The following NAALADL2 variants were observed in gnomAD, a reference collection of about 807,000 sequenced individuals.
The protein encoded by NAALADL2 is N-acetylated alpha-linked acidic dipeptidase like 2, also known as inactive N-acetylated-alpha-linked acidic dipeptidase-like protein 2.
Under a neutral mutation model 87.2 loss-of-function variants are expected in NAALADL2, and 76 were observed. The ratio of observed to expected loss-of-function variants is 0.87; its 90% CI spans 0.72 to 1.05. The LOEUF (loss-of-function observed/expected upper bound fraction) is 1.05. NAALADL2 is among the 50% of genes least tolerant of loss of function. The probability of loss-of-function intolerance (pLI) is 0.00; values close to 1 mark genes in which losing one functional copy is unlikely to be tolerated. For missense variants in NAALADL2, 1,089 were observed against 945.8 expected (o/e 1.15, Z -1.99); for synonymous variants, 354 against 331.0 (o/e 1.07, Z -0.75).
intron 11 of NAALADL2, among the ~76,000 whole-genome samples, chr3:175,658,016 T>G (rs1003990088): frequency 6.6e-6 from 1 of 152,014 alleles, no homozygotes; most frequent in Non-Finnish European, 1.5e-5. Flanking sequence ...TATATACATA[T>G]GTATGCATAC....
chr3:175,615,225 C>G (rs1188263524), intron 10 of NAALADL2, among the ~76,000 whole-genome samples: 3 of 152,108 alleles, frequency 2.0e-5, no homozygotes, highest in African/African-American at 7.2e-5. Context: ...ACTGAATTAA[C>G]TCAGAATAAG....
intron 1 of NAALADL2, among the ~76,000 whole-genome samples, chr3:174,893,818 A>G (rs962255407): frequency 6.6e-6 from 1 of 152,194 alleles, no homozygotes; most frequent in Non-Finnish European, 1.5e-5. Context: ...GAAGACCACA[A>G]AACAGCCAGA....
chr3:175,279,345 T>A (rs540625693), intron 4 of NAALADL2, among the ~76,000 whole-genome samples: 1 of 152,170 alleles, frequency 6.6e-6, no homozygotes, highest in Admixed American at 6.5e-5. Flanking sequence ...TGTCCTACCA[T>A]CTGAAAGGAT....
intron 2 of NAALADL2, among the ~76,000 whole-genome samples, chr3:174,720,105 A>G (rs1196645676): frequency 2.6e-5 from 4 of 152,230 alleles, no homozygotes; most frequent in South Asian, 2.1e-4. Context: ...CTGTCTAGGC[A>G]GTAATCTTAT....
intron 1 of NAALADL2, chr3:175,059,656 C>G: frequency 2.8e-6 from 1 of 351,746 alleles, no homozygotes; most frequent in Non-Finnish European, 5.4e-6. Flanking sequence ...TTGATTCATT[C>G]TGGGCAAGCC....
At chr3:174,887,197 CT>C (rs964945913) in intron 1 of NAALADL2, among the ~76,000 whole-genome samples, 1 of 152,088 alleles carries the variant, frequency 6.6e-6, no homozygotes, top group African/African-American at 2.4e-5. Flanking sequence ...AGGCATCTTC[CT>C]TTTTGCCTGC....
intron 1 of NAALADL2, among the ~76,000 whole-genome samples, chr3:174,518,443 A>G (rs1324168561): frequency 6.6e-6 from 1 of 152,172 alleles, no homozygotes; most frequent in African/African-American, 2.4e-5. Flanking sequence ...TAGCTGATTA[A>G]TGCCACTGCT....
chr3:174,812,051 T>C (rs566645069), intron 3 of NAALADL2, among the ~76,000 whole-genome samples: 1 of 152,210 alleles, frequency 6.6e-6, no homozygotes, highest in East Asian at 1.9e-4. Context: ...CTCTGAGGCC[T>C]CCCCAGAAGC....
At chr3:175,668,704 A>G (rs1426001640) in intron 11 of NAALADL2, among the ~76,000 whole-genome samples, 4 of 152,156 alleles carry the variant, frequency 2.6e-5, no homozygotes, top group Non-Finnish European at 5.9e-5. Context: ...CTTTGCCATC[A>G]TAGCAATATC....
intron 2 of NAALADL2, among the ~76,000 whole-genome samples, chr3:174,573,485 G>T (rs866509758): frequency 8.5e-5 from 13 of 152,054 alleles, no homozygotes; most frequent in African/African-American, 2.4e-4. Flanking sequence ...GTCCATTTTT[G>T]TGTTGCTGTA....
rs549546606 is a variant in NAALADL2 at position 175,634,383 on chromosome 3, G to A, written c.1896+6997G>A. ...TTGTTATAATATTCTTAAGATTCTT[G>A]GAGCATGGTAACTGAAAACTTAAAA... On this transcript the variant is annotated intron_variant, in intron 11 of 13. Transcript: ENST00000454872. Among the ~76,000 whole-genome samples, 10 of 151,844 alleles carry A rather than the reference G, an allele frequency of 6.6e-5. No individual in the cohort carries two copies. The East Asian group carries it at 1.9e-3, about 29-fold the overall frequency.
At chr3:175,031,389 A>G (rs1057452439) in intron 1 of NAALADL2, among the ~76,000 whole-genome samples, 6 of 151,992 alleles carry the variant, frequency 3.9e-5, no homozygotes, top group Admixed American at 3.9e-4. Context: ...CTGTTTCTGC[A>G]TTAATTCACT....
intron 2 of NAALADL2, among the ~76,000 whole-genome samples, chr3:175,140,778 G>A (rs1001166943): frequency 1.3e-5 from 2 of 152,140 alleles, no homozygotes; most frequent in Non-Finnish European, 2.9e-5. Flanking sequence ...AAAGTCAATG[G>A]ACAGTTATTG....
At chr3:174,797,809 T>C (rs758792101) in intron 3 of NAALADL2, among the ~76,000 whole-genome samples, 8 of 152,308 alleles carry the variant, frequency 5.3e-5, no homozygotes, top group Non-Finnish European at 7.4e-5. Context: ...GTTTTTCTTA[T>C]TTTATGGGTT....
At chr3:174,886,631 T>A (rs1730186422) in intron 1 of NAALADL2, among the ~76,000 whole-genome samples, 1 of 152,226 alleles carries the variant, frequency 6.6e-6, no homozygotes, top group Non-Finnish European at 1.5e-5. Flanking sequence ...TATATTCTCC[T>A]GGTGCCAGAC....
intron 1 of NAALADL2, among the ~76,000 whole-genome samples, chr3:174,888,558 T>G (rs1163615906): frequency 1.3e-5 from 2 of 152,212 alleles, no homozygotes; most frequent in African/African-American, 4.8e-5. Flanking sequence ...ACATACAAAA[T>G]GATGGCTTTG....
chr3:174,811,246 TCCTC>T (rs1405479550), intron 3 of NAALADL2, among the ~76,000 whole-genome samples: 3 of 152,118 alleles, frequency 2.0e-5, no homozygotes, highest in African/African-American at 7.2e-5. Context: ...AGGCACTCTG[TCCTC>T]CAGACCCCAG....
At chr3:175,037,202 G>A (rs1753523520) in intron 1 of NAALADL2, among the ~76,000 whole-genome samples, 1 of 152,096 alleles carries the variant, frequency 6.6e-6, no homozygotes, top group African/African-American at 2.4e-5. Flanking sequence ...CTTCCCACTT[G>A]TCCTCCAGGA....
intron 1 of NAALADL2, among the ~76,000 whole-genome samples, chr3:175,091,418 A>G (rs1580393297): frequency 1.3e-5 from 2 of 152,174 alleles, no homozygotes; most frequent in African/African-American, 4.8e-5. Flanking sequence ...AGATTTAATC[A>G]TGGATTGTCA....
Sources: allele counts gnomAD v4.1 joint callset (sites outside exome capture counted in the v4.1 genomes callset), GRCh38; gene constraint gnomAD v4.1.1; transcripts MANE v1.5; gene names NCBI Gene and HGNC (gene_info 2026-07-23, HGNC 2026-07-21).